The following UQCC1 variants were observed in gnomAD, a reference collection of about 807,000 sequenced individuals.
The protein encoded by UQCC1 is ubiquinol-cytochrome c reductase complex assembly factor 1.
UQCC1 carries 38 observed loss-of-function variants against 48.0 expected under a neutral mutation model. That is an observed-to-expected ratio of 0.79 (90% CI 0.61 to 1.04). The LOEUF (loss-of-function observed/expected upper bound fraction) is 1.04. Ranked by LOEUF, UQCC1 falls within the 50% of genes least tolerant of loss-of-function variation. The pLI is 0.00. For missense variants in UQCC1, 368 were observed against 381.8 expected (o/e 0.96, Z 0.30); for synonymous variants, 111 against 129.2 (o/e 0.86, Z 0.95).
At chr20:35,330,855 A>G (rs777228025) in intron 7 of UQCC1, among the ~76,000 whole-genome samples, 4 of 151,074 alleles carry the variant, frequency 2.6e-5, no homozygotes, top group Non-Finnish European at 4.4e-5. Flanking sequence ...TCTGCATTGG[A>G]GCCTGCTGGT....
intron 2 of UQCC1, among the ~76,000 whole-genome samples, chr20:35,385,933 C>T (rs1042120952): frequency 3.3e-5 from 5 of 151,040 alleles, no homozygotes; most frequent in African/African-American, 9.8e-5. Flanking sequence ...CCCCCACATG[C>T]ACAGCCTCCC....
intron 6 of UQCC1, among the ~76,000 whole-genome samples, chr20:35,365,536 AATCC>A (rs1353002161): frequency 2.0e-5 from 3 of 151,984 alleles, no homozygotes; most frequent in Non-Finnish European, 4.4e-5. Flanking sequence ...GGGCTCCTGT[AATCC>A]CAGCTACTCG....
At chr20:35,366,648 G>C (rs2061669842) in intron 5 of UQCC1, 34 bp from the exon 6 acceptor site, 3 of 1,569,008 alleles carry the variant, frequency 1.9e-6, no homozygotes, top group African/African-American at 1.4e-5. Flanking sequence ...AGTATGTGAG[G>C]GTTTAAAGGA....
At chr20:35,408,239 G>T (rs2062282108) in intron 1 of UQCC1, among the ~76,000 whole-genome samples, 1 of 152,202 alleles carries the variant, frequency 6.6e-6, no homozygotes, top group South Asian at 2.1e-4. Flanking sequence ...GACCAGCCTG[G>T]GCAACATAGC....
intron 4 of UQCC1, among the ~76,000 whole-genome samples, chr20:35,376,238 G>A (rs1285534733): frequency 6.6e-6 from 1 of 151,970 alleles, no homozygotes; most frequent in Non-Finnish European, 1.5e-5. Context: ...AACCTGGGAG[G>A]GAGAGGATGC....
intron 1 of UQCC1, among the ~76,000 whole-genome samples, chr20:35,406,283 G>T (rs2062249405): frequency 6.6e-6 from 1 of 152,050 alleles, no homozygotes; most frequent in South Asian, 2.1e-4. Flanking sequence ...CTCCAAATAG[G>T]ATAAACACAA....
Position 35,314,757 on chromosome 20 carries a change from G to C in UQCC1, c.582C>G (p.Pro194=). ...GGATCATGTTCTTCTTCAGGATATA[G>C]GGATTAACCTACAGAAACAAATGGC... The part of the protein sequence containing the change: ...QQRGRVMGVN[P]YILKKNMILM... The change falls in exon 8 of 10, where the codon CCC becomes CCG. Residue 194 remains proline (P), a synonymous_variant. Transcript: ENST00000374385. The C allele has an allele frequency of 6.3e-7, 1 of 1,596,442 alleles. No individual in the cohort carries two copies. The highest frequency in any genetic ancestry group is 1.7e-4 in the Middle Eastern group (1 of 6,012).
chr20:35,364,689 A>C (rs994637639), intron 6 of UQCC1, among the ~76,000 whole-genome samples: 2 of 152,230 alleles, frequency 1.3e-5, no homozygotes, highest in African/African-American at 4.8e-5. Flanking sequence ...CCTACTCCTC[A>C]GAAATTAAAC....
At chr20:35,323,541 T>C (rs1342330228) in intron 7 of UQCC1, among the ~76,000 whole-genome samples, 1 of 152,198 alleles carries the variant, frequency 6.6e-6, no homozygotes, top group Non-Finnish European at 1.5e-5. Flanking sequence ...ATTTTAATAG[T>C]CAAAAGTCTT....
chr20:35,382,807 G>A (rs1353935110), intron 3 of UQCC1, among the ~76,000 whole-genome samples: 1 of 152,060 alleles, frequency 6.6e-6, no homozygotes, highest in Non-Finnish European at 1.5e-5. Flanking sequence ...ACCGCGCCCG[G>A]CCTAATTTTC....
At chr20:35,375,238 A>G (rs1231088972) in intron 4 of UQCC1, among the ~76,000 whole-genome samples, 1 of 152,180 alleles carries the variant, frequency 6.6e-6, no homozygotes, top group Non-Finnish European at 1.5e-5. Flanking sequence ...CTATGATACT[A>G]AGGTTTAAAG....
intron 3 of UQCC1, among the ~76,000 whole-genome samples, chr20:35,382,758 C>T (rs1393292994): frequency 6.6e-5 from 10 of 152,012 alleles, no homozygotes; most frequent in Non-Finnish European, 1.5e-4. Context: ...GATCTGCCCG[C>T]CTCGGCCTCC....
At chr20:35,383,973 T>G in intron 3 of UQCC1, 65 bp downstream of exon 3, 7 of 1,430,336 alleles carry the variant, frequency 4.9e-6, no homozygotes, top group South Asian at 2.4e-5. Flanking sequence ...AACAATTTTG[T>G]TGAGATCCAA....
chr20:35,339,595 G>T (rs2061356075), intron 7 of UQCC1, among the ~76,000 whole-genome samples: 1 of 152,060 alleles, frequency 6.6e-6, no homozygotes, highest in South Asian at 2.1e-4. Flanking sequence ...GGAGGGAAGG[G>T]GTATGATTTG....
chr20:35,381,558 T>G (rs757241516), intron 4 of UQCC1, among the ~76,000 whole-genome samples: 11 of 152,190 alleles, frequency 7.2e-5, no homozygotes, highest in Non-Finnish European at 1.5e-4. Context: ...ATCAGAATAA[T>G]GTATGGACCT....
In UQCC1 at chr20:35,362,180, CCTT is replaced by C. The variant is rs1600945542; in HGVS notation, c.464+4374_464+4376del. On this transcript the variant is annotated intron_variant, in intron 6 of 9. Coordinates refer to ENST00000374385, the MANE Select transcript of UQCC1 (RefSeq NM_018244.5). ...GTCAAGTGGAGAGGCGGGGGAAGGGCCTTCTAGGCAGAAGAAACTTTGTGCAGA... is the reference window on the plus strand; with the variant it reads ...GTCAAGTGGAGAGGCGGGGGAAGGGCCTAGGCAGAAGAAACTTTGTGCAGA... Among the ~76,000 whole-genome samples the C allele has an allele frequency of 7.9e-5, 12 of 152,258 alleles. No homozygotes were observed. The East Asian group carries it at 2.3e-3, about 29-fold the overall frequency.
At chr20:35,341,244 AAAG>A (rs2061375298) in intron 7 of UQCC1, among the ~76,000 whole-genome samples, 1 of 151,484 alleles carries the variant, frequency 6.6e-6, no homozygotes, top group Admixed American at 6.6e-5. Context: ...AAAAAGAAAG[AAAG>A]AAAGAAAGAA....
rs777240885 is a variant in UQCC1 at position 35,330,328 on chromosome 20, G to A, written c.574-15563C>T. On this transcript the variant is annotated intron_variant, in intron 7 of 9. Transcript: ENST00000374385. ...CTGACCAAGCCTTTTTCCTGACCAGGACTGAGTGTCCTCACTTGGAAAGGG... is the reference window on the plus strand; with the variant it reads ...CTGACCAAGCCTTTTTCCTGACCAGAACTGAGTGTCCTCACTTGGAAAGGG... 9.2e-5 allele frequency among the ~76,000 whole-genome samples: 14 copies of A among 152,318 alleles called. No individual in the cohort carries two copies. In the South Asian group the frequency reaches 1.9e-3, roughly 20 times the overall value.
intron 8 of UQCC1, among the ~76,000 whole-genome samples, chr20:35,308,405 C>T (rs963122028): frequency 6.6e-6 from 1 of 152,260 alleles, no homozygotes; most frequent in African/African-American, 2.4e-5. Flanking sequence ...CATGCCAGAG[C>T]GCTGCTGGCA....
Sources: gnomAD v4.1 joint callset for allele counts (sites outside exome capture counted in the v4.1 genomes callset) on GRCh38, gnomAD v4.1.1 for gene constraint, MANE v1.5 for transcripts, NCBI Gene and HGNC (gene_info 2026-07-23, HGNC 2026-07-21) for gene names.